PCDH11X: variants seen among roughly 807,000 people sequenced by gnomAD.
PCDH11X encodes protocadherin 11 X-linked.
PCDH11X carries 18 observed loss-of-function variants against 53.3 expected under a neutral mutation model. The ratio of observed to expected loss-of-function variants is 0.34; its 90% CI spans 0.23 to 0.50. PCDH11X has a LOEUF of 0.50. Ranked by LOEUF, PCDH11X falls within the 20% of genes least tolerant of loss-of-function variation. The pLI is 0.98. For missense variants in PCDH11X, 570 were observed against 1,032.4 expected (o/e 0.55, Z 6.14); for synonymous variants, 279 against 393.3 (o/e 0.71, Z 3.44).
intron 6 of PCDH11X, among the ~76,000 whole-genome samples, chrX:91,971,342 A>G (rs1338764298): frequency 9.2e-6 from 1 of 108,875 alleles, no homozygotes; most frequent in East Asian, 2.9e-4. Flanking sequence ...CAAAGTTGAA[A>G]AGGACACTTG....
rs139129450 is a variant in PCDH11X, at chrX:92,270,556, A to G, written c.3144+7413A>G. Among the ~76,000 whole-genome samples the G allele has an allele frequency of 6.7e-3, 754 of 112,010 alleles. 12 individuals carry two copies. Among genetic ancestry groups the G allele is most frequent in the African/African-American group, 0.023 (724 of 30,810 alleles). ...GAAGTTTACTTTGCCAATGTGAAGGACATGCCTAGGAGGGAGGTCTGTGCT... is the reference window on the plus strand; with the variant it reads ...GAAGTTTACTTTGCCAATGTGAAGGGCATGCCTAGGAGGGAGGTCTGTGCT... On this transcript the variant is annotated intron_variant, in intron 8 of 10. Transcript: ENST00000682573.
intron 8 of PCDH11X, among the ~76,000 whole-genome samples, chrX:92,347,706 T>C (rs2069934798): frequency 8.9e-6 from 1 of 111,769 alleles, no homozygotes. Flanking sequence ...TATAACCTCA[T>C]AGATAGTTTC....
At chrX:91,936,802 G>A (rs1190489731) in intron 6 of PCDH11X, among the ~76,000 whole-genome samples, 10 of 107,889 alleles carry the variant, frequency 9.3e-5, no homozygotes, top group South Asian at 3.9e-4. Flanking sequence ...GGAAATGATC[G>A]TAATTGAATG....
chrX:92,276,662 T>C (rs1488519906), intron 8 of PCDH11X, among the ~76,000 whole-genome samples: 1 of 111,692 alleles, frequency 9.0e-6, no homozygotes, highest in Non-Finnish European at 1.9e-5. Flanking sequence ...TTTCTATTAT[T>C]GTACACCTTG....
chrX:92,545,409 T>G (rs1298714322), intron 10 of PCDH11X, among the ~76,000 whole-genome samples: 5 of 76,669 alleles, frequency 6.5e-5, no homozygotes, highest in Non-Finnish European at 8.2e-5. Context: ...TTTTTTTTTT[T>G]TTTTGTTTTT....
intron 8 of PCDH11X, among the ~76,000 whole-genome samples, chrX:92,337,774 T>C (rs1221459100): frequency 1.8e-5 from 2 of 111,390 alleles, no homozygotes; most frequent in Admixed American, 9.6e-5. Flanking sequence ...TTTCTAAAGA[T>C]GTTAAATATG....
chrX:92,308,384 A>G (rs1364956631), intron 8 of PCDH11X, among the ~76,000 whole-genome samples: 2 of 111,627 alleles, frequency 1.8e-5, no homozygotes, highest in East Asian at 2.8e-4. Flanking sequence ...AAGAGTACCA[A>G]GACTTTTGAA....
intron 6 of PCDH11X, among the ~76,000 whole-genome samples, chrX:92,021,792 A>C (rs1190231098): frequency 2.8e-5 from 3 of 108,970 alleles, no homozygotes; most frequent in African/African-American, 1.0e-4. Flanking sequence ...TCACCTACAA[A>C]GGGAAGCCCA....
chrX:92,054,820 C>CAAA (rs1174448342), intron 6 of PCDH11X, among the ~76,000 whole-genome samples: 32 of 25,297 alleles, frequency 1.3e-3, no homozygotes, highest in Middle Eastern at 0.053. Flanking sequence ...AACTCTGTCT[C>CAAA]AAAAAAAAAA....
intron 5 of PCDH11X, among the ~76,000 whole-genome samples, chrX:91,869,142 C>T (rs1385240886): frequency 2.7e-5 from 3 of 109,900 alleles, no homozygotes; most frequent in Non-Finnish European, 5.7e-5. Context: ...TTTCAATAAA[C>T]ATTACTTTTA....
In PCDH11X at chrX:92,138,550, A is replaced by C. The variant is rs192593697; in HGVS notation, c.3034-62825A>C. Among the ~76,000 whole-genome samples the C allele has an allele frequency of 9.1e-3, 1,007 of 111,186 alleles. 13 individuals are homozygous for C. The highest frequency in any genetic ancestry group is 0.031 in the African/African-American group (965 of 30,688). On this transcript the variant is annotated intron_variant, in intron 6 of 10. Coordinates refer to ENST00000682573, the MANE Select transcript of PCDH11X (RefSeq NM_032968.5). ...GGATATTTTTCTCAAGTATGCATTA[A>C]TATGTGCATTGGAAATATAATATCA...
intron 5 of PCDH11X, among the ~76,000 whole-genome samples, chrX:91,847,670 C>T (rs1406282282): frequency 9.0e-6 from 1 of 111,496 alleles, no homozygotes; most frequent in Non-Finnish European, 1.9e-5. Flanking sequence ...GAGCGACTCT[C>T]AGGCTGACTT....
intron 6 of PCDH11X, among the ~76,000 whole-genome samples, chrX:92,151,043 T>C (rs1448907865): frequency 9.0e-6 from 1 of 110,863 alleles, no homozygotes; most frequent in African/African-American, 3.3e-5. Flanking sequence ...AGAACCAGTA[T>C]CCATGCTTTC....
At chrX:92,201,205 T>C (rs2066384839) in intron 6 of PCDH11X, 170 bp from the exon 7 acceptor site, 1 of 261,775 alleles carries the variant, frequency 3.8e-6, no homozygotes, top group Non-Finnish European at 5.2e-6. Context: ...TGTGGCATAT[T>C]GTTAACCCTC....
chrX:92,263,527 A>C (rs2067763147), intron 8 of PCDH11X, among the ~76,000 whole-genome samples: 1 of 112,094 alleles, frequency 8.9e-6, no homozygotes, highest in Non-Finnish European at 1.9e-5. Flanking sequence ...GTGAATATAA[A>C]TCATGATATT....
At chrX:92,107,163 T>C (rs1285717633) in intron 6 of PCDH11X, among the ~76,000 whole-genome samples, 1 of 111,221 alleles carries the variant, frequency 9.0e-6, no homozygotes, top group Non-Finnish European at 1.9e-5. Flanking sequence ...CACTTTGAGT[T>C]AGTCTGCCCT....
rs1420246322 is a variant in PCDH11X, at chrX:92,620,288, A to G, written c.*1348A>G. On this transcript the variant is annotated 3_prime_UTR_variant, in exon 11 of 11. Transcript: ENST00000682573. ...AAAGAAACAGTACTATTCATAGAAAACATTAGTTTTCTTCTGTTGTCTGTT... is the reference window on the plus strand; with the variant it reads ...AAAGAAACAGTACTATTCATAGAAAGCATTAGTTTTCTTCTGTTGTCTGTT... 1.8e-5 allele frequency: 2 copies of G among 111,005 alleles called. No individual in the cohort carries two copies. Among genetic ancestry groups the G allele is most frequent in the Non-Finnish European group, 3.8e-5 (2 of 52,925 alleles). The allele number at this position is 111,005 out of a possible 1,213,427, so 9.1% of individuals were successfully genotyped here. A position where few individuals can be genotyped will look rare whatever the true frequency, so the allele number is the denominator to read the frequency against.
chrX:92,098,609 T>C (rs182268438), intron 6 of PCDH11X, among the ~76,000 whole-genome samples: 491 of 105,780 alleles, frequency 4.6e-3, no homozygotes, highest in African/African-American at 0.016. Flanking sequence ...GAGCTGGTTG[T>C]GCTTGTCCAG....
intron 1 of PCDH11X, among the ~76,000 whole-genome samples, chrX:91,790,540 T>C (rs974474212): frequency 4.5e-5 from 5 of 112,264 alleles, no homozygotes; most frequent in African/African-American, 1.3e-4. Context: ...TTCTTATTAG[T>C]ACACACATTT....
Sources: gnomAD v4.1 joint callset for allele counts (sites outside exome capture counted in the v4.1 genomes callset) on GRCh38, gnomAD v4.1.1 for gene constraint, MANE v1.5 for transcripts, NCBI Gene and HGNC (gene_info 2026-07-23, HGNC 2026-07-21) for gene names.